NUAK1: variants seen among roughly 807,000 people sequenced by gnomAD.
The protein encoded by NUAK1 is NUAK family kinase 1, also known as NUAK family SNF1-like kinase 1.
NUAK1 carries 26 observed loss-of-function variants against 56.9 expected under a neutral mutation model. The ratio of observed to expected loss-of-function variants is 0.46; its 90% CI spans 0.33 to 0.63. NUAK1 has a LOEUF of 0.63. NUAK1 is among the 30% of genes least tolerant of loss of function. The probability of loss-of-function intolerance (pLI) is 0.02; values close to 1 mark genes in which losing one functional copy is unlikely to be tolerated. For missense variants in NUAK1, 727 were observed against 876.1 expected (o/e 0.83, Z 2.15); for synonymous variants, 337 against 336.0 (o/e 1.00, Z -0.03).
At chr12:106,081,163 G>A (rs891419549) in intron 4 of NUAK1, among the ~76,000 whole-genome samples, 4 of 152,170 alleles carry the variant, frequency 2.6e-5, no homozygotes, top group Non-Finnish European at 5.9e-5. Flanking sequence ...AGTACCTACT[G>A]TGTGCCAAGC....
At chr12:106,104,680 A>G (rs1350035425) in intron 2 of NUAK1, among the ~76,000 whole-genome samples, 2 of 152,226 alleles carry the variant, frequency 1.3e-5, no homozygotes, top group East Asian at 3.8e-4. Context: ...AAAAGATAGA[A>G]TGGATAAAAA....
chr12:106,100,012 G>A (rs905219849), intron 2 of NUAK1, among the ~76,000 whole-genome samples: 2 of 142,216 alleles, frequency 1.4e-5, no homozygotes, highest in African/African-American at 2.6e-5. Context: ...GGCTGGTCTC[G>A]AACTTTTGAG....
At position 106,125,091 on chromosome 12, in the gene NUAK1, T is replaced by C. The variant is rs1258860109; in HGVS notation, c.240+13323A>G. 3.9e-5 allele frequency among the ~76,000 whole-genome samples: 6 copies of C among 152,338 alleles called. No individual in the cohort carries two copies. The East Asian group carries it at 5.8e-4, about 15-fold the overall frequency. On this transcript the variant is annotated intron_variant, in intron 1 of 6. Transcript: ENST00000261402. ...AAAAATCTGGCCCAGAGCGCTCATC[T>C]TACAGATAAGTTAGCTGAAGCCATG...
intron 1 of NUAK1, among the ~76,000 whole-genome samples, chr12:106,111,520 A>G (rs2032859507): frequency 6.6e-6 from 1 of 152,116 alleles, no homozygotes; most frequent in Non-Finnish European, 1.5e-5. Flanking sequence ...CTGCATGCTC[A>G]TTCATTGATA....
At chr12:106,122,582 C>A (rs866318728) in intron 1 of NUAK1, among the ~76,000 whole-genome samples, 68 of 152,128 alleles carry the variant, frequency 4.5e-4, no homozygotes, top group African/African-American at 1.5e-3. Context: ...GTTTCAGGCC[C>A]AAATAGGAGC....
chr12:106,092,923 T>C (rs2032651092), intron 2 of NUAK1, among the ~76,000 whole-genome samples: 1 of 152,232 alleles, frequency 6.6e-6, no homozygotes, highest in Non-Finnish European at 1.5e-5. Flanking sequence ...AACTTACTGA[T>C]TTTTCTGAAA....
At chr12:106,076,077 T>C (rs1358442051) in intron 4 of NUAK1, among the ~76,000 whole-genome samples, 1 of 152,236 alleles carries the variant, frequency 6.6e-6, no homozygotes, top group Non-Finnish European at 1.5e-5. Context: ...GCAGTGAGGA[T>C]ACTGCGGAAA....
intron 4 of NUAK1, among the ~76,000 whole-genome samples, chr12:106,076,376 G>C (rs952024762): frequency 6.6e-6 from 1 of 152,168 alleles, no homozygotes; most frequent in African/African-American, 2.4e-5. Context: ...TTCCAGCAAG[G>C]AGGCGACTGG....
chr12:106,106,531 A>C lies in NUAK1; in HGVS notation c.241-6T>G, dbSNP rs766191049. ...CGAATGGATTTTATAGCAACCTATA[A>C]AGTCAGGAAATGAAATGTTATTCAG... On this transcript the variant is annotated splice_region_variant and splice_polypyrimidine_tract_variant and intron_variant, in intron 1 of 6. Coordinates refer to ENST00000261402, the MANE Select transcript of NUAK1 (RefSeq NM_014840.3). 6.2e-7 allele frequency: 1 copy of C among 1,609,526 alleles called. No individual in the cohort carries two copies. The highest frequency in any genetic ancestry group is 8.5e-7 in the Non-Finnish European group (1 of 1,178,658).
chr12:106,130,377 A>G (rs1169027665), intron 1 of NUAK1, among the ~76,000 whole-genome samples: 1 of 152,200 alleles, frequency 6.6e-6, no homozygotes, highest in Non-Finnish European at 1.5e-5. Flanking sequence ...AGGTATCTCA[A>G]TGGCAGGACT....
chr12:106,088,759 C>A (rs984213607), intron 2 of NUAK1, among the ~76,000 whole-genome samples: 2 of 152,148 alleles, frequency 1.3e-5, no homozygotes, highest in African/African-American at 4.8e-5. Context: ...TTAATTCATC[C>A]CCAGAGCCTA....
chr12:106,114,843 T>G (rs755258670), intron 1 of NUAK1, among the ~76,000 whole-genome samples: 1 of 152,192 alleles, frequency 6.6e-6, no homozygotes, highest in Non-Finnish European at 1.5e-5. Context: ...AACTGTTGCA[T>G]CATTAATAAA....
intron 2 of NUAK1, among the ~76,000 whole-genome samples, chr12:106,094,296 C>T (rs185904464): frequency 1.3e-5 from 2 of 152,270 alleles, no homozygotes; most frequent in Admixed American, 6.5e-5. Context: ...GACCGGAGTA[C>T]CTTTCCACTC....
At chr12:106,079,441 C>T (rs2032493969) in intron 4 of NUAK1, among the ~76,000 whole-genome samples, 2 of 152,190 alleles carry the variant, frequency 1.3e-5, no homozygotes, top group African/African-American at 2.4e-5. Context: ...GAATACATTA[C>T]ACAGGGCCAT....
chr12:106,093,603 G>A (rs2032659105), intron 2 of NUAK1, among the ~76,000 whole-genome samples: 1 of 152,226 alleles, frequency 6.6e-6, no homozygotes, highest in Non-Finnish European at 1.5e-5. Flanking sequence ...ACGCTGATGA[G>A]TGAGGAGATC....
intron 1 of NUAK1, among the ~76,000 whole-genome samples, chr12:106,125,157 G>C (rs1033307392): frequency 4.6e-5 from 7 of 152,156 alleles, no homozygotes; most frequent in African/African-American, 1.7e-4. Context: ...CTTAAGTTGT[G>C]GCAGTGATGG....
chr12:106,092,043 A>T (rs1565922130), intron 2 of NUAK1, among the ~76,000 whole-genome samples: 1 of 152,064 alleles, frequency 6.6e-6, no homozygotes, highest in African/African-American at 2.4e-5. Context: ...AACAAAAAAT[A>T]AAATAAATAA....
In NUAK1 at chr12:106,065,364, C is replaced by G. The variant is rs1185794877; in HGVS notation, c.*1438G>C. On this transcript the variant is annotated 3_prime_UTR_variant, in exon 7 of 7. Transcript: ENST00000261402. ...GTCCTGCCGCACCTCTTTTCTGTCT[C>G]CCCCAGAACCATCTGGGTAACATCT... The G allele has an allele frequency of 6.6e-6, 1 of 152,096 alleles. No individual in the cohort carries two copies. The highest frequency in any genetic ancestry group is 1.5e-5 in the Non-Finnish European group (1 of 68,012). 9.4% of individuals were successfully genotyped at this position (152,096 alleles called of 1,614,324 possible).
chr12:106,105,922 T>C (rs978247009), intron 2 of NUAK1: 1 of 152,462 alleles, frequency 6.6e-6, no homozygotes, highest in African/African-American at 2.4e-5. Flanking sequence ...GCTCCATTTA[T>C]AAGGCATCTG....
Sources: gnomAD v4.1 joint callset for allele counts (sites outside exome capture counted in the v4.1 genomes callset) on GRCh38, gnomAD v4.1.1 for gene constraint, MANE v1.5 for transcripts, NCBI Gene and HGNC (gene_info 2026-07-23, HGNC 2026-07-21) for gene names.